The following PDE4D variants were observed in gnomAD, a reference collection of about 807,000 sequenced individuals.
PDE4D encodes 3',5'-cyclic-AMP phosphodiesterase 4D.
In PDE4D, 24 loss-of-function variants were observed where a neutral mutation model predicts 87.4. The observed-to-expected ratio is 0.27, with a 90% confidence interval of 0.20 to 0.39. The LOEUF (loss-of-function observed/expected upper bound fraction) is 0.39. Among genes scored for constraint, PDE4D ranks in the 10% least tolerant of loss-of-function variants. The pLI is 1.00. For missense variants in PDE4D, 714 were observed against 1,041.0 expected (o/e 0.69, Z 4.32); for synonymous variants, 384 against 383.2 (o/e 1.00, Z -0.02).
chr5:60,220,873 T>C (rs1011741153), intron 1 of PDE4D, among the ~76,000 whole-genome samples: 2 of 152,112 alleles, frequency 1.3e-5, no homozygotes, highest in African/African-American at 2.4e-5. Context: ...TAAATGTGTA[T>C]AATAATTTAA....
chr5:60,369,139 C>CT lies in PDE4D; in HGVS notation c.-90+118802dup, dbSNP rs199850247. 1.9e-4 allele frequency among the ~76,000 whole-genome samples: 29 copies of CT among 150,914 alleles called. No individual in the cohort carries two copies. In the Middle Eastern group the frequency reaches 0.014, roughly 71 times the overall value. ...CTCTCTCCTCTCCTGCTTTCTATGCCTTTTTTTTTCTCTTCTTACCTGTCT... is the reference window on the plus strand; with the variant it reads ...CTCTCTCCTCTCCTGCTTTCTATGCCTTTTTTTTTTCTCTTCTTACCTGTCT... On this transcript the variant is annotated intron_variant, in intron 1 of 16. Coordinates refer to the PDE4D transcript ENST00000502484.
chr5:60,388,589 G>A (rs746848274), intron 1 of PDE4D, among the ~76,000 whole-genome samples: 3 of 151,994 alleles, frequency 2.0e-5, no homozygotes, highest in Non-Finnish European at 2.9e-5. Context: ...TGCGGTGCTT[G>A]GTTTTCTGTT....
intron 1 of PDE4D, among the ~76,000 whole-genome samples, chr5:59,302,776 CT>C (rs1379744684): frequency 6.6e-6 from 1 of 152,172 alleles, no homozygotes; most frequent in Non-Finnish European, 1.5e-5. Flanking sequence ...TCTTTATCCA[CT>C]TATTGACTGA....
intron 1 of PDE4D, among the ~76,000 whole-genome samples, chr5:59,827,894 G>A (rs1728567367): frequency 6.6e-6 from 1 of 151,914 alleles, no homozygotes; most frequent in South Asian, 2.1e-4. Flanking sequence ...ATTGGCTCTT[G>A]GAATTATCTC....
At chr5:59,678,991 T>C (rs1409239233) in intron 1 of PDE4D, among the ~76,000 whole-genome samples, 1 of 152,212 alleles carries the variant, frequency 6.6e-6, no homozygotes, top group Non-Finnish European at 1.5e-5. Context: ...AGACTGAGCA[T>C]TACCAATCTT....
intron 1 of PDE4D, among the ~76,000 whole-genome samples, chr5:59,262,891 G>A (rs1331939488): frequency 2.0e-5 from 3 of 151,898 alleles, no homozygotes; most frequent in South Asian, 4.2e-4. Context: ...AGAGTCATTC[G>A]AGCAGTCAGA....
At chr5:59,618,487 T>C (rs995683035) in intron 1 of PDE4D, among the ~76,000 whole-genome samples, 1 of 152,172 alleles carries the variant, frequency 6.6e-6, no homozygotes, top group Admixed American at 6.6e-5. Flanking sequence ...TGATGGGCCA[T>C]ATATGCCATG....
chr5:59,694,727 C>T (rs778364226), intron 1 of PDE4D, among the ~76,000 whole-genome samples: 2 of 151,802 alleles, frequency 1.3e-5, no homozygotes, highest in African/African-American at 2.4e-5. Context: ...AAGCCAATGT[C>T]TTGAGAAGGA....
intron 6 of PDE4D, among the ~76,000 whole-genome samples, chr5:59,007,284 T>A (rs952693262): frequency 2.0e-5 from 3 of 152,178 alleles, no homozygotes; most frequent in African/African-American, 7.2e-5. Flanking sequence ...TTAAAAGTCG[T>A]GGTAGTTATT....
At chr5:59,320,017 A>G (rs1448683345) in intron 1 of PDE4D, among the ~76,000 whole-genome samples, 1 of 152,042 alleles carries the variant, frequency 6.6e-6, no homozygotes, top group Non-Finnish European at 1.5e-5. Flanking sequence ...GGGTCAGTGG[A>G]GAAGACACCC....
intron 1 of PDE4D, among the ~76,000 whole-genome samples, chr5:59,286,270 T>C (rs1253534190): frequency 1.3e-5 from 2 of 152,230 alleles, no homozygotes; most frequent in Non-Finnish European, 2.9e-5. Context: ...ACATGTTCTC[T>C]CATTTAACAT....
chr5:60,229,326 A>G (rs71627995), intron 1 of PDE4D, among the ~76,000 whole-genome samples: 12,269 of 152,170 alleles, frequency 0.081, 511 homozygotes, highest in Non-Finnish European at 0.098. Flanking sequence ...TTTTAAAACG[A>G]CAACCACAAG....
chr5:59,950,937 A>G (rs1460181331), intron 3 of PDE4D, among the ~76,000 whole-genome samples: 4 of 152,284 alleles, frequency 2.6e-5, no homozygotes, highest in African/African-American at 9.6e-5. Flanking sequence ...TGCCAATGGC[A>G]TAAATTGAGT....
intron 1 of PDE4D, among the ~76,000 whole-genome samples, chr5:59,344,020 G>T (rs960753841): frequency 6.6e-6 from 1 of 152,084 alleles, no homozygotes; most frequent in Non-Finnish European, 1.5e-5. Flanking sequence ...TTAAAAGCAA[G>T]AAATTACATT....
chr5:59,968,506 A>G (rs1391394246), intron 3 of PDE4D, among the ~76,000 whole-genome samples: 1 of 152,158 alleles, frequency 6.6e-6, no homozygotes, highest in African/African-American at 2.4e-5. Context: ...GGGATATACC[A>G]TACCTAAGCA....
At chr5:59,794,189 C>T (rs1293337073) in intron 1 of PDE4D, among the ~76,000 whole-genome samples, 1 of 151,230 alleles carries the variant, frequency 6.6e-6, no homozygotes, top group South Asian at 2.1e-4. Context: ...ACAGACAACT[C>T]TAGCTATCTC....
chr5:60,392,050 A>G (rs947588578), intron 1 of PDE4D, among the ~76,000 whole-genome samples: 1 of 152,174 alleles, frequency 6.6e-6, no homozygotes, highest in Non-Finnish European at 1.5e-5. Flanking sequence ...TTCAACAGAA[A>G]AGTAGAGTTA....
At chr5:60,245,712 G>A (rs934981974) in intron 1 of PDE4D, among the ~76,000 whole-genome samples, 1 of 151,790 alleles carries the variant, frequency 6.6e-6, no homozygotes, top group Non-Finnish European at 1.5e-5. Context: ...CTTATTTGTG[G>A]GAGCTAAAAA....
intron 3 of PDE4D, among the ~76,000 whole-genome samples, chr5:59,936,524 T>C (rs78582127): frequency 0.012 from 1,769 of 152,300 alleles, 35 homozygotes; most frequent in African/African-American, 0.04. Context: ...ATACATGATA[T>C]GATACATGAG....
Sources: gnomAD v4.1 joint callset for allele counts (sites outside exome capture counted in the v4.1 genomes callset) on GRCh38, gnomAD v4.1.1 for gene constraint, MANE v1.5 for transcripts, NCBI Gene and HGNC (gene_info 2026-07-23, HGNC 2026-07-21) for gene names.